Variants in PITPNM2 observed in about 807,000 individuals in gnomAD.
PITPNM2 encodes phosphatidylinositol transfer protein membrane associated 2, also known as membrane-associated phosphatidylinositol transfer protein 2.
PITPNM2 carries 35 observed loss-of-function variants against 132.2 expected under a neutral mutation model. That is an observed-to-expected ratio of 0.26 (90% CI 0.20 to 0.35). The LOEUF (loss-of-function observed/expected upper bound fraction) is 0.35, where lower values mean the gene tolerates loss of function less well. PITPNM2 is among the 10% of genes least tolerant of loss of function. The pLI, the probability that PITPNM2 is intolerant of heterozygous loss-of-function variation, is 1.00. For synonymous variants in PITPNM2, 738 were observed against 799.2 expected (o/e 0.92, Z 1.29); for missense variants, 1,332 against 1,912.0 (o/e 0.70, Z 5.66).
At chr12:123,046,615 C>T (rs1490686901) in intron 2 of PITPNM2, among the ~76,000 whole-genome samples, 2 of 152,144 alleles carry the variant, frequency 1.3e-5, no homozygotes, top group African/African-American at 4.8e-5. Context: ...TGCCCCAGCC[C>T]CTGGCACCCA....
intron 8 of PITPNM2, among the ~76,000 whole-genome samples, chr12:123,002,630 T>C (rs894844504): frequency 2.0e-5 from 3 of 152,302 alleles, no homozygotes; most frequent in Non-Finnish European, 4.4e-5. Flanking sequence ...GTTACCCTAG[T>C]TGGTCTTGAG....
intron 2 of PITPNM2, among the ~76,000 whole-genome samples, chr12:123,068,489 AT>A (rs2041516515): frequency 1.3e-5 from 2 of 150,388 alleles, no homozygotes; most frequent in South Asian, 2.1e-4. Flanking sequence ...AAATAAATAA[AT>A]AAATAAATAA....
Position 123,004,302 on chromosome 12 carries a change from G to T in PITPNM2, c.1048+92C>A, listed in dbSNP as rs529938555. 1 of 1,173,592 alleles carries T rather than the reference G, an allele frequency of 8.5e-7. No individual in the cohort carries two copies. The highest frequency in any genetic ancestry group is 2.4e-5 in the East Asian group (1 of 41,674). The allele number at this position is 1,173,592 out of a possible 1,614,324, so 72.7% of individuals were successfully genotyped here. A position where few individuals can be genotyped will look rare whatever the true frequency, so the allele number is the denominator to read the frequency against. On this transcript the variant is annotated intron_variant, in intron 8 of 25. Transcript: ENST00000320201. The surrounding 1 kb of genome is among the most constrained non-coding windows in gnomAD (Gnocchi z 4.9). ...TATAGAATAGTAACAGGCAACACCCGCATCAGTCCACACCCACACCCTAAG... is the reference window on the plus strand; with the variant it reads ...TATAGAATAGTAACAGGCAACACCCTCATCAGTCCACACCCACACCCTAAG...
chr12:123,086,040 T>C (rs1462583958), intron 2 of PITPNM2, among the ~76,000 whole-genome samples: 1 of 152,246 alleles, frequency 6.6e-6, no homozygotes, highest in Non-Finnish European at 1.5e-5. Context: ...TTTCCTGAAA[T>C]GCACTTCCCG....
intron 2 of PITPNM2, among the ~76,000 whole-genome samples, chr12:123,044,216 C>A (rs1592969172): frequency 6.6e-6 from 1 of 152,186 alleles, no homozygotes; most frequent in African/African-American, 2.4e-5. Context: ...TGCTCAGGGG[C>A]CTTCCTTTCT....
rs1284994257 is a variant in PITPNM2, at chr12:123,095,677, C to A, written c.-96+14708G>T. On this transcript the variant is annotated intron_variant, in intron 2 of 25. Transcript: ENST00000320201. This position sits in a 1 kb window ranked among gnomAD's most constrained non-coding sequence, Gnocchi z 5.0. ...GGCACGAGGCCCCCAACCTGGTCCT[C>A]CCTGCAGCTCAGCCCCAGCCAGACT... Among the ~76,000 whole-genome samples, 2 of 152,204 alleles carry A rather than the reference C, an allele frequency of 1.3e-5. No homozygotes were observed. Among genetic ancestry groups the A allele is most frequent in the East Asian group, 3.9e-4 (2 of 5,184 alleles).
chr12:123,001,220 A>ACC (rs1422862442), intron 8 of PITPNM2, 62 bp from the exon 9 acceptor site: 1 of 1,335,198 alleles, frequency 7.5e-7, no homozygotes, highest in African/African-American at 1.4e-5. Flanking sequence ...TGGCTTCCCG[A>ACC]GGTGGGGACG....
At chr12:123,072,024 C>T (rs1333628253) in intron 2 of PITPNM2, among the ~76,000 whole-genome samples, 2 of 152,192 alleles carry the variant, frequency 1.3e-5, no homozygotes, top group Non-Finnish European at 2.9e-5. Flanking sequence ...TTTAAATTTA[C>T]CCATTCCCCA....
At chr12:123,028,673 A>C (rs2039955953) in intron 3 of PITPNM2, among the ~76,000 whole-genome samples, 1 of 152,196 alleles carries the variant, frequency 6.6e-6, no homozygotes, top group Non-Finnish European at 1.5e-5. Context: ...TAAGCTGTAC[A>C]CATGTAAAGG....
chr12:123,105,751 T>C (rs1311552423), intron 2 of PITPNM2, among the ~76,000 whole-genome samples: 1 of 152,058 alleles, frequency 6.6e-6, no homozygotes, highest in African/African-American at 2.4e-5. Flanking sequence ...ATACCCACCA[T>C]GGAGAAGTAC....
At chr12:123,061,356 A>G (rs1473060350) in intron 2 of PITPNM2, among the ~76,000 whole-genome samples, 1 of 152,264 alleles carries the variant, frequency 6.6e-6, no homozygotes, top group East Asian at 1.9e-4. Flanking sequence ...CTGTGAGGGC[A>G]GCCAACCCTA....
intron 2 of PITPNM2, among the ~76,000 whole-genome samples, chr12:123,052,784 GTTT>G (rs34269675): frequency 7.1e-6 from 1 of 140,812 alleles, no homozygotes. Context: ...TTTTATTTAA[GTTT>G]TTTTTTTTTT....
In PITPNM2 at chr12:123,150,421, C is replaced by G. The variant is rs1186199045; in HGVS notation, c.-200+332G>C. ...ACCGGCACTGCCCACGCCTGCCCCC[C>G]GACCGCTATGACACTTGTCCCTGGC... On this transcript the variant is annotated intron_variant, in intron 1 of 25. Transcript: ENST00000320201. The surrounding 1 kb of genome is among the most constrained non-coding windows in gnomAD (Gnocchi z 6.0). 6.6e-6 allele frequency among the ~76,000 whole-genome samples: 1 copy of G among 151,906 alleles called. No individual in the cohort carries two copies. Among genetic ancestry groups the G allele is most frequent in the African/African-American group, 2.4e-5 (1 of 41,352 alleles).
intron 2 of PITPNM2, among the ~76,000 whole-genome samples, chr12:123,067,453 T>TCACACACACACA (rs55716436): frequency 7.3e-6 from 1 of 136,664 alleles, no homozygotes; most frequent in Non-Finnish European, 1.6e-5. Flanking sequence ...TGAAACTCCA[T>TCACACACACACA]CACACACACA....
chr12:123,005,624 G>A lies in PITPNM2; in HGVS notation c.644-76C>T, dbSNP rs2038896354. On this transcript the variant is annotated intron_variant, in intron 6 of 25. Coordinates refer to ENST00000320201, the MANE Select transcript of PITPNM2 (RefSeq NM_020845.3). The surrounding 1 kb of genome is among the most constrained non-coding windows in gnomAD (Gnocchi z 6.2). ...GCAGGAGCCTGCACGGAAGTGTGGG[G>A]CCCAGGCAGGGGCTTTGGGAGGCTG... The A allele has an allele frequency of 1.4e-6, 2 of 1,443,730 alleles. No homozygotes were observed. Among genetic ancestry groups the A allele is most frequent in the African/African-American group, 1.4e-5 (1 of 71,456 alleles). 89.4% of individuals were successfully genotyped at this position (1,443,730 alleles called of 1,614,324 possible).
intron 2 of PITPNM2, among the ~76,000 whole-genome samples, chr12:123,056,344 G>A (rs1485781455): frequency 6.6e-6 from 1 of 152,232 alleles, no homozygotes; most frequent in East Asian, 1.9e-4. Flanking sequence ...CCTACATGGA[G>A]GCGTGTAGGC....
chr12:123,137,018 G>A (rs1180227942), intron 1 of PITPNM2, among the ~76,000 whole-genome samples: 1 of 152,220 alleles, frequency 6.6e-6, no homozygotes, highest in Non-Finnish European at 1.5e-5. Context: ...TAAGTCACTT[G>A]CTCATGGAGC....
At position 123,111,642 on chromosome 12, in the gene PITPNM2, G is replaced by A. The variant is rs1038692612; in HGVS notation, c.-199-1154C>T. The stretch of plus-strand genomic sequence containing the variant: ...CTTCCAACCCCGCCACCGCCACCGC[G>A]TCCTGCATGCCCACCCCCGTGCAGG... On this transcript the variant is annotated intron_variant, in intron 1 of 25. Transcript: ENST00000320201. This position sits in a 1 kb window ranked among gnomAD's most constrained non-coding sequence, Gnocchi z 4.1. Among the ~76,000 whole-genome samples the A allele has an allele frequency of 3.9e-5, 6 of 152,182 alleles. No homozygotes were observed. The highest frequency in any genetic ancestry group is 7.4e-5 in the Non-Finnish European group (5 of 68,020).
chr12:123,006,549 C>CA (rs58893457), intron 6 of PITPNM2, among the ~76,000 whole-genome samples: 7,531 of 126,696 alleles, frequency 0.059, 464 homozygotes, highest in African/African-American at 0.17. Flanking sequence ...CCAGAAAAGA[C>CA]AAAAAAAAAA....
Sources: gnomAD v4.1 joint callset for allele counts (sites outside exome capture counted in the v4.1 genomes callset) on GRCh38, gnomAD v4.1.1 for gene constraint, Gnocchi (gnomAD v3.1) non-coding constraint, MANE v1.5 for transcripts, NCBI Gene and HGNC (gene_info 2026-07-23, HGNC 2026-07-21) for gene names.